Variants in MAPRE2 observed in about 807,000 individuals in gnomAD.
MAPRE2 encodes the protein microtubule associated protein RP/EB family member 2.
Under a neutral mutation model 43.2 loss-of-function variants are expected in MAPRE2, and 13 were observed. The observed-to-expected ratio is 0.30, with a 90% CI of 0.20 to 0.48. MAPRE2 has a LOEUF of 0.48. Ranked by LOEUF, MAPRE2 falls within the 20% of genes least tolerant of loss-of-function variation. The pLI is 0.99. For synonymous variants in MAPRE2, 135 were observed against 148.8 expected, an observed-to-expected ratio of 0.91 and a Z score of 0.68; for missense variants, 161 against 400.2, an observed-to-expected ratio of 0.40 and a Z score of 5.10.
chr18:35,082,694 G>C (rs1318562222), intron 2 of MAPRE2, among the ~76,000 whole-genome samples: 1 of 152,002 alleles, frequency 6.6e-6, no homozygotes, highest in African/African-American at 2.4e-5. Context: ...CTTGTTTTAA[G>C]TCTTCAGCAT....
chr18:34,988,804 C>T (rs2150573643), intron 1 of MAPRE2: 1 of 152,322 alleles, frequency 6.6e-6, no homozygotes, highest in African/African-American at 2.4e-5. Flanking sequence ...TCCAGGGCTC[C>T]AAGCAATGGA....
intron 1 of MAPRE2, among the ~76,000 whole-genome samples, chr18:34,985,503 T>TATATATATTATAATTATAA (rs1555909528): frequency 2.3e-5 from 1 of 42,726 alleles, no homozygotes; most frequent in Non-Finnish European, 4.0e-5. Flanking sequence ...TATTATATAA[T>TATATATATTATAATTATAA]ATATAATATA....
chr18:35,005,348 C>T, intron 1 of MAPRE2: 1 of 515,628 alleles, frequency 1.9e-6, no homozygotes, highest in South Asian at 3.4e-5. Flanking sequence ...GATTGATTGA[C>T]TTTTGGATAT....
chr18:35,042,878 C>G (rs780448916), intron 1 of MAPRE2, among the ~76,000 whole-genome samples: 1 of 151,844 alleles, frequency 6.6e-6, no homozygotes, highest in Admixed American at 6.6e-5. Context: ...CAGAAAGTAC[C>G]CTACTTCCTT....
intron 2 of MAPRE2, among the ~76,000 whole-genome samples, chr18:35,091,064 G>A (rs1472517830): frequency 1.3e-5 from 2 of 152,102 alleles, no homozygotes; most frequent in African/African-American, 2.4e-5. Flanking sequence ...AATTGAAGAG[G>A]ACATAAATAA....
chr18:35,075,974 C>T (rs1355272370), intron 2 of MAPRE2, among the ~76,000 whole-genome samples: 8 of 152,078 alleles, frequency 5.3e-5, no homozygotes, highest in African/African-American at 1.7e-4. Flanking sequence ...ACGTAAATTG[C>T]TGTTTCTGTT....
At chr18:35,033,741 T>G (rs373764758) in intron 2 of MAPRE2, among the ~76,000 whole-genome samples, 3 of 151,318 alleles carry the variant, frequency 2.0e-5, no homozygotes, top group Admixed American at 6.6e-5. Context: ...AGAGCCAAAT[T>G]ATGAGTGAAC....
intron 1 of MAPRE2, among the ~76,000 whole-genome samples, chr18:34,985,167 A>T (rs1390791415): frequency 5.0e-5 from 4 of 80,288 alleles, no homozygotes; most frequent in Non-Finnish European, 8.4e-5. Context: ...ATATAAATAT[A>T]TAAAAATAAT....
chr18:35,041,217 G>A (rs1905336124), upstream of MAPRE2: 1 of 843,842 alleles, frequency 1.2e-6, no homozygotes, highest in Non-Finnish European at 1.6e-6. Flanking sequence ...CATGCCAGAT[G>A]TAGGCCTGCC....
intron 2 of MAPRE2, among the ~76,000 whole-genome samples, chr18:35,012,231 TA>T (rs1164307521): frequency 5.9e-5 from 9 of 152,094 alleles, no homozygotes; most frequent in African/African-American, 2.2e-4. Flanking sequence ...AAGATATAGA[TA>T]TAGATATCTT....
At chr18:35,063,384 G>A (rs374447486) in intron 1 of MAPRE2, among the ~76,000 whole-genome samples, 1 of 152,024 alleles carries the variant, frequency 6.6e-6, no homozygotes, top group East Asian at 1.9e-4. Context: ...TGGGATTACA[G>A]GCGTGAGCCA....
At chr18:34,983,818 T>G (rs906768993) in intron 1 of MAPRE2, among the ~76,000 whole-genome samples, 6 of 152,046 alleles carry the variant, frequency 3.9e-5, no homozygotes, top group Non-Finnish European at 7.4e-5. Context: ...TTGGTAGAGA[T>G]GAGGTTTCAC....
intron 4 of MAPRE2, among the ~76,000 whole-genome samples, chr18:35,108,094 T>C (rs762000814): frequency 1.3e-5 from 2 of 152,024 alleles, no homozygotes; most frequent in African/African-American, 4.8e-5. Flanking sequence ...GCTGCACCTA[T>C]TGACCAGTCC....
chr18:35,142,919 T>TCTCC lies in MAPRE2; in HGVS notation c.*2554_*2557dup, dbSNP rs1910724573. On this transcript the variant is annotated 3_prime_UTR_variant, in exon 7 of 7. Coordinates refer to ENST00000300249, the MANE Select transcript of MAPRE2 (RefSeq NM_014268.4). ...AGCGTCCCTGATTGCGTGCTCCACTTCTCCCTCTCAGGAAGCCCAGTTTCA... is the reference window on the plus strand; with the variant it reads ...AGCGTCCCTGATTGCGTGCTCCACTTCTCCCTCCCTCTCAGGAAGCCCAGTTTCA... The TCTCC allele has an allele frequency of 6.6e-6, 1 of 151,978 alleles. No individual in the cohort carries two copies. Among genetic ancestry groups the TCTCC allele is most frequent in the South Asian group, 2.1e-4 (1 of 4,806 alleles). The allele number at this position is 151,978 out of a possible 1,614,324, so 9.4% of individuals were successfully genotyped here.
chr18:35,131,429 T>A (rs1329454579), intron 5 of MAPRE2, among the ~76,000 whole-genome samples: 1 of 152,172 alleles, frequency 6.6e-6, no homozygotes, highest in East Asian at 1.9e-4. Context: ...TTCTGGAGAC[T>A]GGGATGTCCA....
At chr18:35,114,147 T>C (rs1480169220) in intron 4 of MAPRE2, among the ~76,000 whole-genome samples, 1 of 152,184 alleles carries the variant, frequency 6.6e-6, no homozygotes, top group Non-Finnish European at 1.5e-5. Flanking sequence ...CCATGCTCTT[T>C]CATCATTATA....
chr18:35,008,693 G>T (rs1184446464), intron 2 of MAPRE2, among the ~76,000 whole-genome samples: 3 of 152,092 alleles, frequency 2.0e-5, no homozygotes, highest in Non-Finnish European at 2.9e-5. Flanking sequence ...TGTTGGTTTG[G>T]TTTCGTTTGG....
At chr18:35,116,344 G>A (rs1226868739) in intron 4 of MAPRE2, among the ~76,000 whole-genome samples, 2 of 152,144 alleles carry the variant, frequency 1.3e-5, no homozygotes, top group Non-Finnish European at 2.9e-5. Flanking sequence ...AGAGGGAAGC[G>A]GGGCTCTTCT....
At chr18:35,116,674 G>A (rs1483305345) in intron 4 of MAPRE2, among the ~76,000 whole-genome samples, 2 of 152,126 alleles carry the variant, frequency 1.3e-5, no homozygotes, top group Admixed American at 6.5e-5. Context: ...TGCTTACTTC[G>A]TGGCAACTGC....
Sources: gnomAD v4.1 joint callset for allele counts (sites outside exome capture counted in the v4.1 genomes callset) on GRCh38, gnomAD v4.1.1 for gene constraint, MANE v1.5 for transcripts, NCBI Gene and HGNC (gene_info 2026-07-23, HGNC 2026-07-21) for gene names.